The following UBE3D variants were observed in gnomAD, a reference collection of about 807,000 sequenced individuals.
UBE3D encodes E3 ubiquitin-protein ligase E3D.
In UBE3D, 48 loss-of-function variants were observed where a neutral mutation model predicts 49.6. That is an observed-to-expected ratio of 0.97 (90% CI 0.77 to 1.23). The LOEUF (loss-of-function observed/expected upper bound fraction) is 1.23, where lower values mean the gene tolerates loss of function less well. Ranked by LOEUF, UBE3D falls within the 50% of genes most tolerant of loss-of-function variation. UBE3D has a pLI of 0.00. For missense variants in UBE3D, 452 were observed against 468.4 expected (o/e 0.96, Z 0.32); for synonymous variants, 189 against 174.2 (o/e 1.08, Z -0.67).
intron 8 of UBE3D, among the ~76,000 whole-genome samples, chr6:82,998,215 G>T (rs1211062848): frequency 6.6e-6 from 1 of 152,174 alleles, no homozygotes; most frequent in Admixed American, 6.5e-5. Flanking sequence ...ATTTTGCTTT[G>T]CAATAGAGGT....
intron 7 of UBE3D, among the ~76,000 whole-genome samples, chr6:83,021,982 ATC>A (rs1325401459): frequency 3.9e-5 from 6 of 152,106 alleles, no homozygotes; most frequent in Admixed American, 3.9e-4. Context: ...GCACTTGATC[ATC>A]TGTTATTAAA....
At chr6:83,034,297 G>A (rs1171352344) in intron 5 of UBE3D, among the ~76,000 whole-genome samples, 7 of 152,110 alleles carry the variant, frequency 4.6e-5, no homozygotes, top group Non-Finnish European at 8.8e-5. Context: ...GTTTAGTTAA[G>A]TGAATATTCA....
chr6:82,997,200 T>G (rs888321397), intron 8 of UBE3D, among the ~76,000 whole-genome samples: 2 of 152,128 alleles, frequency 1.3e-5, no homozygotes, highest in East Asian at 3.9e-4. Flanking sequence ...TTAAAGAAAT[T>G]GTTGCAGAGG....
chr6:82,971,014 A>G (rs1777315339), intron 8 of UBE3D, among the ~76,000 whole-genome samples: 1 of 152,036 alleles, frequency 6.6e-6, no homozygotes, highest in Non-Finnish European at 1.5e-5. Flanking sequence ...ATCATACAAC[A>G]TGTGGCCTTT....
At chr6:82,896,412 T>TTAAA (rs138437986) in intron 9 of UBE3D, among the ~76,000 whole-genome samples, 18,479 of 139,560 alleles carry the variant, frequency 0.13, 1,461 homozygotes, top group African/African-American at 0.28. Context: ...AATAATTATT[T>TTAAA]TAAAAAACAA....
intron 8 of UBE3D, among the ~76,000 whole-genome samples, chr6:82,983,512 T>C (rs1369366664): frequency 6.6e-6 from 1 of 151,810 alleles, no homozygotes; most frequent in African/African-American, 2.4e-5. Context: ...GTCAATACTT[T>C]TAGGCTTTTT....
intron 2 of UBE3D, 144 bp downstream of exon 2, chr6:83,057,682 C>A (rs572734870): frequency 1.4e-6 from 1 of 731,300 alleles, no homozygotes; most frequent in Admixed American, 2.7e-5. Flanking sequence ...CAATTGCATA[C>A]AGCCAATAAC....
chr6:82,884,512 A>G, the UBE3D span, among the ~76,000 whole-genome samples: 1 of 152,184 alleles, frequency 6.6e-6, no homozygotes, highest in Non-Finnish European at 1.5e-5. Context: ...TCAGATAAAT[A>G]GGGTTTATTC....
chr6:83,057,790 G>C (rs1335273471), intron 2 of UBE3D, 36 bp downstream of exon 2: 1 of 1,602,798 alleles, frequency 6.2e-7, no homozygotes, highest in Non-Finnish European at 8.5e-7. Context: ...ATAACAAAAA[G>C]GTAAATACAG....
At chr6:83,046,925 G>A (rs1562224952) in intron 3 of UBE3D, among the ~76,000 whole-genome samples, 1 of 152,088 alleles carries the variant, frequency 6.6e-6, no homozygotes, top group Non-Finnish European at 1.5e-5. Context: ...ATAAATAGTA[G>A]TTCTCCAGGC....
intron 8 of UBE3D, among the ~76,000 whole-genome samples, chr6:82,972,542 T>A (rs913101437): frequency 3.3e-5 from 5 of 152,230 alleles, no homozygotes; most frequent in African/African-American, 1.2e-4. Context: ...CACATGTCAA[T>A]GTAACTCTAG....
chr6:83,041,409 T>C (rs1466715175), intron 4 of UBE3D, among the ~76,000 whole-genome samples: 2 of 152,206 alleles, frequency 1.3e-5, no homozygotes, highest in Non-Finnish European at 2.9e-5. Context: ...AAACCTATGC[T>C]AAAAGATTCT....
chr6:82,896,759 T>A (rs77873930), intron 9 of UBE3D, among the ~76,000 whole-genome samples: 12 of 151,990 alleles, frequency 7.9e-5, no homozygotes, highest in East Asian at 1.9e-4. Flanking sequence ...TTTTTTTTTT[T>A]GAGAGAGAGT....
chr6:83,051,120 A>T (rs1783441189), intron 3 of UBE3D, among the ~76,000 whole-genome samples: 1 of 152,240 alleles, frequency 6.6e-6, no homozygotes, highest in Non-Finnish European at 1.5e-5. Context: ...GACCTTGTCG[A>T]GCATTAACTA....
chr6:83,051,853 A>T (rs1582753310), intron 3 of UBE3D, among the ~76,000 whole-genome samples: 1 of 152,334 alleles, frequency 6.6e-6, no homozygotes, highest in East Asian at 1.9e-4. Flanking sequence ...CTTATGCCAG[A>T]GTAACTCTGT....
intron 8 of UBE3D, among the ~76,000 whole-genome samples, chr6:82,993,843 C>T (rs1164886912): frequency 6.6e-6 from 1 of 152,184 alleles, no homozygotes; most frequent in Non-Finnish European, 1.5e-5. Context: ...AAAGTGTATT[C>T]TCTGGACCTA....
intron 9 of UBE3D, among the ~76,000 whole-genome samples, chr6:82,947,819 A>T (rs1254611169): frequency 1.3e-5 from 2 of 152,092 alleles, no homozygotes; most frequent in African/African-American, 4.8e-5. Context: ...CTTGAAACAA[A>T]TGATAATGGA....
chr6:83,054,655 A>AT (rs558524870), intron 2 of UBE3D, among the ~76,000 whole-genome samples: 412 of 145,552 alleles, frequency 2.8e-3, no homozygotes, highest in Admixed American at 3.2e-3. Flanking sequence ...TTTGAGTTTA[A>AT]TTTTTTTTTT....
intron 4 of UBE3D, among the ~76,000 whole-genome samples, chr6:83,041,384 G>C (rs186103663): frequency 1.7e-3 from 257 of 152,208 alleles, no homozygotes; most frequent in African/African-American, 6.0e-3. Context: ...CACATGTGTG[G>C]CTCCTGATTC....
Sources: allele counts gnomAD v4.1 joint callset (sites outside exome capture counted in the v4.1 genomes callset), GRCh38; gene constraint gnomAD v4.1.1; transcripts MANE v1.5; gene names NCBI Gene and HGNC (gene_info 2026-07-23, HGNC 2026-07-21).